LSM12: variants seen among roughly 807,000 people sequenced by gnomAD.
LSM12 encodes protein LSM12.
For synonymous variants in LSM12, 74 were observed against 87.3 expected, an observed-to-expected ratio of 0.85 and a Z score of 0.85; for missense variants, 108 against 238.9, an observed-to-expected ratio of 0.45 and a Z score of 3.61.
rs910380720 is a variant in LSM12 at position 44,064,949 on chromosome 17, C to T, written c.125-1015G>A. On this transcript the variant is annotated intron_variant, in intron 1 of 4. Coordinates refer to ENST00000293406, the MANE Select transcript of LSM12 (RefSeq NM_001371445.1). ...GAGATCGAGACCATCTTGGCTAACA[C>T]GGTGAAACCCCGTCTCTACTAAAAA... Among the ~76,000 whole-genome samples, 15 of 150,684 alleles carry T rather than the reference C, an allele frequency of 1.0e-4. No homozygotes were observed. The South Asian group carries it at 2.9e-3, about 30-fold the overall frequency.
At chr17:44,044,780 T>C (rs1033428439) in intron 2 of LSM12, among the ~76,000 whole-genome samples, 2 of 152,252 alleles carry the variant, frequency 1.3e-5, no homozygotes, top group Non-Finnish European at 2.9e-5. Context: ...ATGCAGAACA[T>C]GAATATGCCT....
intron 2 of LSM12, among the ~76,000 whole-genome samples, chr17:44,042,931 G>A (rs969636136): frequency 6.6e-6 from 1 of 151,302 alleles, no homozygotes; most frequent in Admixed American, 6.6e-5. Context: ...TTGAACTCCT[G>A]AGCTCAGGTG....
intron 2 of LSM12, among the ~76,000 whole-genome samples, chr17:44,051,639 G>A (rs1483376955): frequency 6.6e-6 from 1 of 152,046 alleles, no homozygotes; most frequent in Non-Finnish European, 1.5e-5. Flanking sequence ...TTGAAGTTCT[G>A]TTCTAGAATA....
At chr17:44,056,852 G>A (rs571793730) in intron 2 of LSM12, among the ~76,000 whole-genome samples, 1 of 151,810 alleles carries the variant, frequency 6.6e-6, no homozygotes, top group Non-Finnish European at 1.5e-5. Flanking sequence ...TTAGCCAGGT[G>A]GGGTGGCACA....
chr17:44,035,677 C>CAAAAAA lies in LSM12; in HGVS notation c.*525_*530dup, dbSNP rs71160079. 4 of 58,040 alleles carry CAAAAAA rather than the reference C, an allele frequency of 6.9e-5. No homozygotes were observed. In the Admixed American group the frequency reaches 7.0e-4, roughly 10 times the overall value. The allele number at this position is 58,040 out of a possible 1,614,324, so 3.6% of individuals were successfully genotyped here. On this transcript the variant is annotated 3_prime_UTR_variant, in exon 5 of 5. Transcript: ENST00000293406. ...AAACTAATTCAAGCCATGCCCTGTG[C>CAAAAAA]AAAAAAAAAAAAAAAAAGAAAAAAG...
chr17:44,065,842 G>A (rs572044996), intron 1 of LSM12, among the ~76,000 whole-genome samples: 3 of 151,956 alleles, frequency 2.0e-5, no homozygotes, highest in Admixed American at 6.6e-5. Flanking sequence ...AAATGACCGA[G>A]AAGCCTAAAA....
At chr17:44,062,243 A>G (rs1312225922) in intron 2 of LSM12, among the ~76,000 whole-genome samples, 4 of 151,066 alleles carry the variant, frequency 2.6e-5, no homozygotes, top group South Asian at 2.1e-4. Flanking sequence ...AAAAAAAAAA[A>G]GCTATGAATA....
At chr17:44,043,116 T>C (rs2049517175) in intron 2 of LSM12, among the ~76,000 whole-genome samples, 1 of 152,226 alleles carries the variant, frequency 6.6e-6, no homozygotes, top group Admixed American at 6.5e-5. Flanking sequence ...AGGCCTTCAA[T>C]TGCCATGGGT....
chr17:44,051,130 G>C (rs560069017), intron 2 of LSM12, among the ~76,000 whole-genome samples: 1 of 152,186 alleles, frequency 6.6e-6, no homozygotes, highest in East Asian at 1.9e-4. Flanking sequence ...AAATTGGCTG[G>C]GAGTGGTGGC....
At chr17:44,044,239 AG>A (rs1382137794) in intron 2 of LSM12, among the ~76,000 whole-genome samples, 1 of 152,216 alleles carries the variant, frequency 6.6e-6, no homozygotes, top group African/African-American at 2.4e-5. Flanking sequence ...TTTTTGCCAG[AG>A]AGAAAATAAA....
intron 2 of LSM12, among the ~76,000 whole-genome samples, chr17:44,051,778 AGACTGGGCAACATAGCAAGGCCCCT>A (rs1458925684): frequency 6.6e-6 from 1 of 152,156 alleles, no homozygotes; most frequent in African/African-American, 2.4e-5. Context: ...GTGCAAGACC[AGACTGGGCAACATAGCAAGGCCCCT>A]GACTCTACCA....
In LSM12 at chr17:44,058,604, G is replaced by A. The variant is rs1398310662; in HGVS notation, c.258+5197C>T. ...ACCCAGCACTTTGGGAGGCCAAGGC[G>A]GGTGGATCATGAGGTCAGGAGTTCG... On this transcript the variant is annotated intron_variant, in intron 2 of 4. Coordinates refer to ENST00000293406, the MANE Select transcript of LSM12 (RefSeq NM_001371445.1). Among the ~76,000 whole-genome samples, 4 of 152,070 alleles carry A rather than the reference G, an allele frequency of 2.6e-5. No homozygotes were observed. In the South Asian group the frequency reaches 6.2e-4, roughly 24 times the overall value.
At chr17:44,054,790 C>T (rs2049689668) in intron 2 of LSM12, among the ~76,000 whole-genome samples, 1 of 151,990 alleles carries the variant, frequency 6.6e-6, no homozygotes, top group East Asian at 1.9e-4. Context: ...CAAGTTTTAC[C>T]CATGGACTCT....
At chr17:44,037,800 T>A (rs1009835827) in intron 3 of LSM12, among the ~76,000 whole-genome samples, 1 of 152,178 alleles carries the variant, frequency 6.6e-6, no homozygotes, top group Admixed American at 6.5e-5. Flanking sequence ...TGGAGAGCCA[T>A]AAAAATGTGA....
At chr17:44,049,579 G>A (rs2049615946) in intron 2 of LSM12, among the ~76,000 whole-genome samples, 1 of 152,142 alleles carries the variant, frequency 6.6e-6, no homozygotes, top group Non-Finnish European at 1.5e-5. Context: ...CGTCCCACAA[G>A]TGAGTGATTT....
At chr17:44,046,666 C>T (rs1162418766) in intron 2 of LSM12, among the ~76,000 whole-genome samples, 5 of 141,936 alleles carry the variant, frequency 3.5e-5, no homozygotes, top group South Asian at 2.4e-4. Context: ...GAGATTAATG[C>T]GCCACTGCAC....
intron 2 of LSM12, among the ~76,000 whole-genome samples, chr17:44,053,682 AAAACACTGCTGTTCTTC>A (rs2049674950): frequency 6.6e-6 from 1 of 152,200 alleles, no homozygotes; most frequent in Non-Finnish European, 1.5e-5. Context: ...CACAGTTGGA[AAAACACTGCTGTTCTTC>A]AAACTCCCTA....
chr17:44,048,766 A>T (rs2049604776), intron 2 of LSM12, among the ~76,000 whole-genome samples: 1 of 152,210 alleles, frequency 6.6e-6, no homozygotes, highest in South Asian at 2.1e-4. Context: ...TTCATTCTGC[A>T]TGATTCCCAG....
At chr17:44,039,130 C>T (rs1443549977) in intron 3 of LSM12, among the ~76,000 whole-genome samples, 3 of 152,092 alleles carry the variant, frequency 2.0e-5, no homozygotes, top group Admixed American at 6.6e-5. Flanking sequence ...TCTTGGCTCA[C>T]CACAACCTCC....
Sources: gnomAD v4.1 joint callset for allele counts (sites outside exome capture counted in the v4.1 genomes callset) on GRCh38, gnomAD v4.1.1 for gene constraint, MANE v1.5 for transcripts, NCBI Gene and HGNC (gene_info 2026-07-23, HGNC 2026-07-21) for gene names.